The following TCF20 variants were observed in gnomAD, a reference collection of about 807,000 sequenced individuals.
TCF20 encodes transcription factor 20.
A neutral mutation model predicts 148.6 loss-of-function variants in TCF20; 3 were observed. The ratio of observed to expected loss-of-function variants is 0.02; its 90% CI spans 0.01 to 0.05. The LOEUF (loss-of-function observed/expected upper bound fraction) is 0.05. Among genes scored for constraint, TCF20 ranks in the 10% least tolerant of loss-of-function variants. The pLI is 1.00. For missense variants in TCF20, 2,350 were observed against 2,429.3 expected (o/e 0.97, Z 0.69); for synonymous variants, 1,049 against 909.5 (o/e 1.15, Z -2.76).
In TCF20 at chr22:42,215,216, G is replaced by A; in HGVS notation, c.90C>T (p.Phe30=). ...EVHGSSRLEE[F]SPRQAQMFQN... ...GGAACATCTGGGCCTGACGAGGGCT[G>A]AACTCTTCTAGCCGGGATGAGCCGT... Residue 30 remains phenylalanine, a synonymous_variant, in exon 2 of 6, where the codon TTC becomes TTT. Coordinates refer to ENST00000677622, the MANE Select transcript of TCF20 (RefSeq NM_001378418.1). 1.9e-6 allele frequency: 3 copies of A among 1,614,220 alleles called. No individual in the cohort carries two copies. Among genetic ancestry groups the A allele is most frequent in the East Asian group, 2.2e-5 (1 of 44,886 alleles).
chr22:42,294,951 G>A (rs1927204117), intron 1 of TCF20, among the ~76,000 whole-genome samples: 1 of 152,224 alleles, frequency 6.6e-6, no homozygotes, highest in South Asian at 2.1e-4. Context: ...GAGACATGCT[G>A]GCGCTGGCAG....
chr22:42,179,778 T>A, intron 2 of TCF20, 76 bp from the exon 3 acceptor site: 1 of 932,436 alleles, frequency 1.1e-6, no homozygotes, highest in Admixed American at 1.7e-5. Flanking sequence ...CTGGTCCCCA[T>A]CTGTTAGACC....
rs142267627 is a variant in TCF20 at position 42,279,806 on chromosome 22, A to T, written c.-37+4021T>A. On this transcript the variant is annotated intron_variant, in intron 1 of 5. Transcript: ENST00000359486. This position sits in a 1 kb window ranked among gnomAD's most constrained non-coding sequence, Gnocchi z 4.3. Reference sequence around the variant, plus strand: ...AAAGCTTCTGCTGAGGGGAGGAGGGAGAGTGAATGAGCCACTGGGGGCCTC... The same window carrying T: ...AAAGCTTCTGCTGAGGGGAGGAGGGTGAGTGAATGAGCCACTGGGGGCCTC... 9.2e-5 allele frequency among the ~76,000 whole-genome samples: 14 copies of T among 152,286 alleles called. No homozygotes were observed. The East Asian group carries it at 2.7e-3, about 29-fold the overall frequency.
chr22:42,297,606 G>C lies in TCF20; in HGVS notation c.-37+45873C>G, dbSNP rs1394628725. 1.3e-5 allele frequency among the ~76,000 whole-genome samples: 2 copies of C among 152,150 alleles called. No individual in the cohort carries two copies. Among genetic ancestry groups the C allele is most frequent in the South Asian group, 2.1e-4 (1 of 4,834 alleles). On this transcript the variant is annotated intron_variant, in intron 1 of 1. Transcript: ENST00000515426. The surrounding 1 kb of genome is among the most constrained non-coding windows in gnomAD (Gnocchi z 4.3). ...TGAAAGCCCATGATCCCTGAGCCTCGAGCTCAGCCCCCAGGAGCTTCCCCT... is the reference window on the plus strand; with the variant it reads ...TGAAAGCCCATGATCCCTGAGCCTCCAGCTCAGCCCCCAGGAGCTTCCCCT...
upstream of TCF20, among the ~76,000 whole-genome samples, chr22:42,275,449 G>A (rs1447441688): frequency 2.0e-5 from 3 of 152,188 alleles, no homozygotes; most frequent in South Asian, 2.1e-4. Context: ...CCACCTGCCC[G>A]GCACTCACTG....
At position 42,199,267 on chromosome 22, in the gene TCF20, C is replaced by T. The variant is rs192125759; in HGVS notation, c.5655+10384G>A. Among the ~76,000 whole-genome samples, 5 of 152,174 alleles carry T rather than the reference C, an allele frequency of 3.3e-5. No individual in the cohort carries two copies. The East Asian group carries it at 9.6e-4, about 29-fold the overall frequency. On this transcript the variant is annotated intron_variant, in intron 2 of 5. Coordinates refer to ENST00000677622, the MANE Select transcript of TCF20 (RefSeq NM_001378418.1). ...GATGGTGCCAGCACCTCATCTAAAC[C>T]CTGTGGCCAATTTTTCTTTTCTTCT... is the stretch of plus-strand genomic sequence containing the variant.
At chr22:42,257,937 T>C (rs1192971073) in intron 1 of TCF20, among the ~76,000 whole-genome samples, 1 of 152,218 alleles carries the variant, frequency 6.6e-6, no homozygotes, top group African/African-American at 2.4e-5. Flanking sequence ...TAGTGCTACA[T>C]GCATATTTTT....
Position 42,208,421 on chromosome 22 carries a change from G to A in TCF20, c.5655+1230C>T, listed in dbSNP as rs147348327. 2.6e-4 allele frequency among the ~76,000 whole-genome samples: 40 copies of A among 152,306 alleles called. No individual in the cohort carries two copies. In the East Asian group the frequency reaches 6.9e-3, roughly 26 times the overall value. On this transcript the variant is annotated intron_variant, in intron 2 of 5. Transcript: ENST00000677622. ...GTGGAAGGATTGCTTGAGTCCAGCA[G>A]TTTGAGACCACTCTGGGCAACACAG...
chr22:42,243,503 G>C (rs1924646485), intron 1 of TCF20, among the ~76,000 whole-genome samples: 1 of 151,976 alleles, frequency 6.6e-6, no homozygotes, highest in Non-Finnish European at 1.5e-5. Context: ...TCAGAAGGCT[G>C]AGGCAGGAGA....
chr22:42,314,228 T>C (rs1244620976), intron 1 of TCF20, among the ~76,000 whole-genome samples: 1 of 152,226 alleles, frequency 6.6e-6, no homozygotes, highest in Non-Finnish European at 1.5e-5. Context: ...GGTGCATGTC[T>C]GGAACTGGCC....
At chr22:42,237,038 G>T (rs368298820) in intron 1 of TCF20, among the ~76,000 whole-genome samples, 4 of 152,098 alleles carry the variant, frequency 2.6e-5, no homozygotes, top group Admixed American at 2.6e-4. Context: ...AGGTGGCTGT[G>T]GCAAATTTCT....
chr22:42,246,121 T>TC (rs1404375790), intron 1 of TCF20, among the ~76,000 whole-genome samples: 2 of 152,196 alleles, frequency 1.3e-5, no homozygotes, highest in Admixed American at 6.5e-5. Context: ...TTCTTTTTTT[T>TC]CTGAGATGGA....
intron 4 of TCF20, 148 bp from the exon 5 acceptor site, chr22:42,168,884 A>G: frequency 8.7e-7 from 1 of 1,151,620 alleles, no homozygotes; most frequent in Non-Finnish European, 1.2e-6. Context: ...ACATTCAGAC[A>G]GGGTTTTCTG....
At chr22:42,189,092 A>G (rs926646683) in intron 2 of TCF20, among the ~76,000 whole-genome samples, 8 of 151,998 alleles carry the variant, frequency 5.3e-5, no homozygotes, top group African/African-American at 1.9e-4. Flanking sequence ...CAACTCTGAG[A>G]GGGTGGGAAG....
intron 1 of TCF20, among the ~76,000 whole-genome samples, chr22:42,333,375 C>A (rs934580714): frequency 6.6e-5 from 10 of 151,724 alleles, no homozygotes; most frequent in Non-Finnish European, 1.3e-4. Flanking sequence ...GATGGTGCAC[C>A]AGGGCTGTGT....
intron 5 of TCF20, among the ~76,000 whole-genome samples, chr22:42,161,848 G>A (rs757164106): frequency 6.6e-6 from 1 of 152,108 alleles, no homozygotes; most frequent in East Asian, 1.9e-4. Context: ...TTTGAGACAA[G>A]ACATCGCTCT....
intron 2 of TCF20, among the ~76,000 whole-genome samples, chr22:42,201,390 C>T (rs1238972977): frequency 6.6e-6 from 1 of 152,190 alleles, no homozygotes; most frequent in Non-Finnish European, 1.5e-5. Flanking sequence ...TGTCCTGAAT[C>T]ATTCTGTGGA....
At position 42,214,761 on chromosome 22, in the gene TCF20, T is replaced by C. The variant is rs755798806; in HGVS notation, c.545A>G (p.Gln182Arg). 1 of 1,614,156 alleles carries C rather than the reference T, an allele frequency of 6.2e-7. No homozygotes were observed. The highest frequency in any genetic ancestry group is 8.5e-7 in the Non-Finnish European group (1 of 1,180,044). Residue 182 changes from glutamine (Q) to arginine (R), a missense_variant, in exon 2 of 6, where the codon CAG becomes CGG. Transcript: ENST00000677622. ...SSQQQQQQVQ[Q>R]LRQQLYQSHQ... ...GGACTGGTAAAGCTGTTGTCTCAAC[T>C]GCTGGACTTGCTGCTGCTGCTGCTG...
At position 42,212,946 on chromosome 22, in the gene TCF20, C is replaced by T; in HGVS notation, c.2360G>A (p.Arg787Lys). 6.2e-7 allele frequency: 1 copy of T among 1,614,154 alleles called. No individual in the cohort carries two copies. The highest frequency in any genetic ancestry group is 8.5e-7 in the Non-Finnish European group (1 of 1,180,026). Reference sequence around the variant, plus strand: ...GGTTTGACTAACCAAGACATTGGGCCTTGTGGTTCCTTCTAGGCTACCAGC... The same window carrying T: ...GGTTTGACTAACCAAGACATTGGGCTTTGTGGTTCCTTCTAGGCTACCAGC... ...GMAGSLEGTT[R>K]PNVLVSQTNE... is the part of the protein sequence containing the mutation. The change falls in exon 2 of 6, where the codon AGG (arginine) becomes AAG (lysine). Residue 787 changes from arginine (R) to lysine (K), a missense_variant. Physicochemically the swap from Arg to Lys is conservative, Grantham distance 26. Coordinates refer to ENST00000677622, the MANE Select transcript of TCF20 (RefSeq NM_001378418.1).
Sources: gnomAD v4.1 joint callset for allele counts (sites outside exome capture counted in the v4.1 genomes callset) on GRCh38, gnomAD v4.1.1 for gene constraint, Gnocchi (gnomAD v3.1) non-coding constraint, MANE v1.5 for transcripts, NCBI Gene and HGNC (gene_info 2026-07-23, HGNC 2026-07-21) for gene names.